Variants in IMMP2L observed in about 807,000 individuals in gnomAD.
IMMP2L encodes mitochondrial inner membrane protease subunit 2.
A neutral mutation model predicts 19.3 loss-of-function variants in IMMP2L; 18 were observed. The ratio of observed to expected loss-of-function variants is 0.93; its 90% confidence interval spans 0.64 to 1.38. IMMP2L has a LOEUF of 1.38. Among genes scored for constraint, IMMP2L ranks in the 40% most tolerant of loss-of-function variants. The probability of loss-of-function intolerance (pLI) is 0.00; values close to 1 mark genes in which losing one functional copy is unlikely to be tolerated. For missense variants in IMMP2L, 233 were observed against 218.2 expected (o/e 1.07, Z -0.43); for synonymous variants, 76 against 73.0 (o/e 1.04, Z -0.21).
intron 3 of IMMP2L, among the ~76,000 whole-genome samples, chr7:111,232,267 A>G (rs1363775523): frequency 6.6e-6 from 1 of 152,048 alleles, no homozygotes; most frequent in Non-Finnish European, 1.5e-5. Flanking sequence ...TATAGAATGA[A>G]GAATATTCAA....
intron 5 of IMMP2L, among the ~76,000 whole-genome samples, chr7:110,771,261 C>A (rs759610775): frequency 3.3e-5 from 5 of 152,058 alleles, no homozygotes; most frequent in Non-Finnish European, 7.4e-5. Context: ...TCAAGTCACA[C>A]GTTAGTGTTG....
chr7:110,925,281 T>C lies in IMMP2L; in HGVS notation c.305+38219A>G, dbSNP rs866692589. ...AAAAAGTTAACTCTAACTTCACGAG[T>C]ATGGCCTTACAAACAGACATCAAAG... On this transcript the variant is annotated intron_variant, in intron 4 of 5. Transcript: ENST00000405709. Among the ~76,000 whole-genome samples, 41 of 152,188 alleles carry C rather than the reference T, an allele frequency of 2.7e-4. 2 individuals are homozygous for C. Among genetic ancestry groups the C allele is most frequent in the African/African-American group, 8.7e-4 (36 of 41,532 alleles).
intron 2 of IMMP2L, among the ~76,000 whole-genome samples, chr7:111,488,571 CGTT>C (rs1251915113): frequency 6.6e-6 from 1 of 152,134 alleles, no homozygotes; most frequent in Admixed American, 6.6e-5. Context: ...TTTATCCACT[CGTT>C]GACTGATGGG....
At chr7:110,882,331 T>TCCTTCCTTC (rs1809754526) in intron 5 of IMMP2L, among the ~76,000 whole-genome samples, 1 of 143,942 alleles carries the variant, frequency 6.9e-6, no homozygotes, top group African/African-American at 2.5e-5. Flanking sequence ...CTTCCTTCCT[T>TCCTTCCTTC]CCTTCCTTCC....
chr7:111,219,065 A>G (rs1812252995), intron 3 of IMMP2L, among the ~76,000 whole-genome samples: 1 of 152,066 alleles, frequency 6.6e-6, no homozygotes, highest in South Asian at 2.1e-4. Context: ...GTATTAAGCT[A>G]GAAAGAAAAA....
At chr7:111,033,714 G>T (rs1463960260) in intron 3 of IMMP2L, among the ~76,000 whole-genome samples, 1 of 152,116 alleles carries the variant, frequency 6.6e-6, no homozygotes, top group African/African-American at 2.4e-5. Context: ...GGCAATCTGA[G>T]GAAGCTACAT....
intron 5 of IMMP2L, among the ~76,000 whole-genome samples, chr7:110,822,514 T>C (rs1032660146): frequency 3.9e-5 from 6 of 152,108 alleles, no homozygotes; most frequent in Non-Finnish European, 7.4e-5. Flanking sequence ...TAAACACTTG[T>C]CCACTAAGAA....
chr7:111,437,173 C>T (rs1322924510), intron 3 of IMMP2L, among the ~76,000 whole-genome samples: 3 of 151,732 alleles, frequency 2.0e-5, no homozygotes, highest in South Asian at 2.1e-4. Context: ...CAGCCAGACA[C>T]GGTGGCTCGT....
At chr7:111,259,740 AAC>A (rs560148527) in intron 3 of IMMP2L, among the ~76,000 whole-genome samples, 332 of 151,626 alleles carry the variant, frequency 2.2e-3, no homozygotes, top group African/African-American at 6.9e-3. Flanking sequence ...CTTTTGTAAT[AAC>A]ACAGCTTAAA....
At chr7:111,071,981 G>T (rs1396765355) in intron 3 of IMMP2L, among the ~76,000 whole-genome samples, 1 of 151,922 alleles carries the variant, frequency 6.6e-6, no homozygotes, top group Non-Finnish European at 1.5e-5. Context: ...AAAATGAGGG[G>T]TCATGACAAA....
intron 3 of IMMP2L, among the ~76,000 whole-genome samples, chr7:111,355,908 T>C (rs1828651836): frequency 6.6e-6 from 1 of 152,076 alleles, no homozygotes; most frequent in African/African-American, 2.4e-5. Context: ...CAAAGTCTAA[T>C]TCTGTTAGAA....
At chr7:111,511,266 C>A (rs1196172672) in intron 2 of IMMP2L, among the ~76,000 whole-genome samples, 1 of 152,090 alleles carries the variant, frequency 6.6e-6, no homozygotes, top group Non-Finnish European at 1.5e-5. Context: ...GACACCATCG[C>A]TCCCCTGGAC....
At chr7:110,730,681 C>T (rs1386730564) in intron 5 of IMMP2L, among the ~76,000 whole-genome samples, 3 of 152,226 alleles carry the variant, frequency 2.0e-5, no homozygotes, top group East Asian at 1.9e-4. Context: ...CCAGCCACCA[C>T]GCCCAGCTAA....
chr7:111,081,802 A>G (rs1795908202), intron 3 of IMMP2L, among the ~76,000 whole-genome samples: 1 of 152,140 alleles, frequency 6.6e-6, no homozygotes, highest in Non-Finnish European at 1.5e-5. Flanking sequence ...TGCATAGCAA[A>G]TTGTATACTT....
intron 3 of IMMP2L, among the ~76,000 whole-genome samples, chr7:111,185,931 T>C (rs566964548): frequency 1.3e-5 from 2 of 152,310 alleles, no homozygotes; most frequent in South Asian, 2.1e-4. Context: ...TTGTTTTACA[T>C]ATCTTGAAAT....
At chr7:110,762,807 G>A (rs573919457) in intron 5 of IMMP2L, among the ~76,000 whole-genome samples, 23 of 152,124 alleles carry the variant, frequency 1.5e-4, no homozygotes, top group African/African-American at 1.4e-4. Flanking sequence ...CCCAAAAACC[G>A]AAAGCAAAAA....
intron 5 of IMMP2L, among the ~76,000 whole-genome samples, chr7:110,856,040 A>G (rs1465616570): frequency 6.6e-6 from 1 of 152,024 alleles, no homozygotes; most frequent in Non-Finnish European, 1.5e-5. Flanking sequence ...GAAAGCTTCA[A>G]TTTGCTTTTT....
intron 5 of IMMP2L, among the ~76,000 whole-genome samples, chr7:110,679,577 T>C (rs987888839): frequency 3.3e-5 from 5 of 151,976 alleles, no homozygotes; most frequent in African/African-American, 1.2e-4. Flanking sequence ...ACAGACTAGA[T>C]TGCCATTGGT....
At chr7:110,848,137 G>A (rs760668099) in intron 5 of IMMP2L, among the ~76,000 whole-genome samples, 4 of 152,120 alleles carry the variant, frequency 2.6e-5, no homozygotes, top group Non-Finnish European at 5.9e-5. Context: ...CACAGACTGT[G>A]AGAAAGTATT....
Sources: allele counts gnomAD v4.1 joint callset (sites outside exome capture counted in the v4.1 genomes callset), GRCh38; gene constraint gnomAD v4.1.1; transcripts MANE v1.5; gene names NCBI Gene and HGNC (gene_info 2026-07-23, HGNC 2026-07-21).